The following FBLN5 variants were observed in gnomAD, a reference collection of about 807,000 sequenced individuals.
FBLN5 encodes fibulin 5.
A neutral mutation model predicts 61.6 loss-of-function variants in FBLN5; 24 were observed. The ratio of observed to expected loss-of-function variants is 0.39; its 90% confidence interval spans 0.28 to 0.55. The LOEUF is 0.55. Among genes scored for constraint, FBLN5 ranks in the 20% least tolerant of loss-of-function variants. The pLI is 0.65. For synonymous variants in FBLN5, 213 were observed against 219.8 expected, an observed-to-expected ratio of 0.97 and a Z score of 0.27; for missense variants, 470 against 594.1, an observed-to-expected ratio of 0.79 and a Z score of 2.17.
chr14:91,891,163 G>T, intron 6 of FBLN5, 58 bp downstream of exon 6: 2 of 973,056 alleles, frequency 2.1e-6, no homozygotes, highest in Non-Finnish European at 3.4e-6. Flanking sequence ...GCCAGGTGCT[G>T]AAGAAGGCTG....
intron 10 of FBLN5, among the ~76,000 whole-genome samples, chr14:91,877,006 C>T (rs551535825): frequency 2.0e-5 from 3 of 152,174 alleles, no homozygotes; most frequent in South Asian, 2.1e-4. Context: ...CCACCATGAC[C>T]GGCTAACTTT....
At chr14:91,934,638 A>G (rs1227086222) in intron 4 of FBLN5, among the ~76,000 whole-genome samples, 1 of 152,160 alleles carries the variant, frequency 6.6e-6, no homozygotes, top group Non-Finnish European at 1.5e-5. Context: ...AGTCTCCCTG[A>G]CTTACCCACT....
chr14:91,942,064 G>A (rs1001005619), intron 2 of FBLN5: 1 of 450,462 alleles, frequency 2.2e-6, no homozygotes, highest in Non-Finnish European at 4.5e-6. Flanking sequence ...CCTGCTCAGA[G>A]ATAGGGCTTC....
intron 9 of FBLN5, among the ~76,000 whole-genome samples, chr14:91,880,526 CGTGTGT>C (rs140201135): frequency 0.058 from 8,550 of 147,130 alleles, 642 homozygotes; most frequent in African/African-American, 0.18. Flanking sequence ...AGTGTGCGTG[CGTGTGT>C]GTGTGTGTGT....
chr14:91,881,428 A>C lies in FBLN5; in HGVS notation c.863-10T>G. On this transcript the variant is annotated splice_polypyrimidine_tract_variant and intron_variant, in intron 8 of 10. Coordinates refer to ENST00000342058, the MANE Select transcript of FBLN5 (RefSeq NM_006329.4). ...TCACATTCGTTGATGTCTGAAATGC[A>C]GGGGAGACAAGAAGCGGAGGCAGGG... 6.2e-7 allele frequency: 1 copy of C among 1,614,116 alleles called. No individual in the cohort carries two copies.
chr14:91,912,132 G>T lies in FBLN5; in HGVS notation c.380-17060C>A, dbSNP rs111824715. 1.4e-4 allele frequency among the ~76,000 whole-genome samples: 21 copies of T among 152,278 alleles called. 1 individual carries two copies. Among genetic ancestry groups the T allele is most frequent in the African/African-American group, 5.1e-4 (21 of 41,556 alleles). ...AACACTGCCATATTTCCTGAGATTT[G>T]CTCTAAAATAAGGAAGTTCTAACAT... On this transcript the variant is annotated intron_variant, in intron 4 of 10. Transcript: ENST00000342058.
At chr14:91,944,869 T>C (rs1467016798) in intron 1 of FBLN5, among the ~76,000 whole-genome samples, 1 of 152,126 alleles carries the variant, frequency 6.6e-6, no homozygotes, top group Non-Finnish European at 1.5e-5. Context: ...GTTCTGGAGA[T>C]TGCACAGCAA....
rs369889648 is a variant in FBLN5, at chr14:91,873,163, C to T, written c.1186-2778G>A. 3.9e-4 allele frequency among the ~76,000 whole-genome samples: 59 copies of T among 152,320 alleles called. No individual in the cohort carries two copies. The East Asian group carries it at 4.6e-3, about 12-fold the overall frequency. On this transcript the variant is annotated intron_variant, in intron 10 of 10. Transcript: ENST00000342058. ...ACCTGCCACAAGAGCTGAGGACAGC[C>T]ACCTCCACATTCGGCTTTTAGGGCA... is the stretch of plus-strand genomic sequence containing the variant.
chr14:91,930,953 C>G (rs2055911919), intron 4 of FBLN5, among the ~76,000 whole-genome samples: 1 of 152,218 alleles, frequency 6.6e-6, no homozygotes, highest in African/African-American at 2.4e-5. Context: ...CTCTGTGACT[C>G]TTCCCCTGGG....
rs1453831209 is a variant in FBLN5, at chr14:91,902,051, A to C, written c.380-6979T>G. On this transcript the variant is annotated intron_variant, in intron 4 of 10. Transcript: ENST00000342058. ...AGATCACATTGTTTGGTTCTTGGGT[A>C]ATTACTTTCATCCCCAGAGCACTTG... 2.6e-5 allele frequency among the ~76,000 whole-genome samples: 4 copies of C among 152,202 alleles called. 1 individual carries two copies. In the South Asian group the frequency reaches 8.3e-4, roughly 32 times the overall value.
In FBLN5 at chr14:91,910,027, C is replaced by T. The variant is rs148629024; in HGVS notation, c.380-14955G>A. On this transcript the variant is annotated intron_variant, in intron 4 of 10. Transcript: ENST00000342058. ...TCCAGCAATATTACTTCTGGATATACGTACAAAATAATTGTAAGCAGGATC... is the reference window on the plus strand; with the variant it reads ...TCCAGCAATATTACTTCTGGATATATGTACAAAATAATTGTAAGCAGGATC... 3.3e-3 allele frequency among the ~76,000 whole-genome samples: 495 copies of T among 152,278 alleles called. 6 individuals are homozygous for T. The highest frequency in any genetic ancestry group is 0.011 in the African/African-American group (459 of 41,552).
At chr14:91,939,430 C>G (rs1033255713) in intron 3 of FBLN5, among the ~76,000 whole-genome samples, 23 of 151,638 alleles carry the variant, frequency 1.5e-4, no homozygotes, top group Non-Finnish European at 4.4e-5. Flanking sequence ...ACCTCTGCCT[C>G]CCAGGTTCAA....
intron 4 of FBLN5, among the ~76,000 whole-genome samples, chr14:91,905,519 A>G (rs146050013): frequency 1.3e-5 from 2 of 152,050 alleles, no homozygotes; most frequent in East Asian, 3.9e-4. Flanking sequence ...CAGAAGTGCC[A>G]GCTGGCTCTT....
chr14:91,929,814 G>A (rs1003222309), intron 4 of FBLN5, among the ~76,000 whole-genome samples: 2 of 152,176 alleles, frequency 1.3e-5, no homozygotes, highest in African/African-American at 4.8e-5. Context: ...GCATCACCTG[G>A]GGGCTTATAA....
rs201191163 is a variant in FBLN5 at position 91,877,657 on chromosome 14, G to T, written c.1015C>A (p.Pro339Thr). 3 of 1,614,082 alleles carry T rather than the reference G, an allele frequency of 1.9e-6. No homozygotes were observed. The highest frequency in any genetic ancestry group is 2.5e-6 in the Non-Finnish European group (3 of 1,179,970). ...DNRCMCPAEN[P>T]GCRDQPFTIL... ...GTAAAGGGCTGGTCTCTGCAGCCAG[G>T]GTTCTCAGCAGGACACATACAGCGG... The change falls in exon 10 of 11, where the codon CCT (proline) becomes ACT (threonine). Residue 339 changes from proline to threonine, a missense_variant. Coordinates refer to ENST00000342058, the MANE Select transcript of FBLN5 (RefSeq NM_006329.4).
intron 4 of FBLN5, among the ~76,000 whole-genome samples, chr14:91,914,320 C>CA (rs1370612240): frequency 1.3e-5 from 2 of 151,698 alleles, no homozygotes; most frequent in East Asian, 1.9e-4. Context: ...TACAAAAATA[C>CA]AAAAAAATTT....
At chr14:91,910,518 G>A (rs182920152) in intron 4 of FBLN5, among the ~76,000 whole-genome samples, 10 of 152,266 alleles carry the variant, frequency 6.6e-5, no homozygotes, top group African/African-American at 1.9e-4. Context: ...TTCTTGTTAC[G>A]CATTTTTACT....
intron 4 of FBLN5, among the ~76,000 whole-genome samples, chr14:91,897,008 A>C (rs929848806): frequency 1.3e-5 from 2 of 152,112 alleles, no homozygotes; most frequent in Non-Finnish European, 2.9e-5. Context: ...CTACAAATCC[A>C]CCATCCACCT....
At chr14:91,932,756 G>T (rs1238770904) in intron 4 of FBLN5, among the ~76,000 whole-genome samples, 1 of 152,226 alleles carries the variant, frequency 6.6e-6, no homozygotes, top group Non-Finnish European at 1.5e-5. Context: ...AGTGCAATCA[G>T]CCACCTCCGA....
Sources: allele counts gnomAD v4.1 joint callset (sites outside exome capture counted in the v4.1 genomes callset), GRCh38; gene constraint gnomAD v4.1.1; transcripts MANE v1.5; gene names NCBI Gene and HGNC (gene_info 2026-07-23, HGNC 2026-07-21).